PPP6R3: variants seen among roughly 807,000 people sequenced by gnomAD.
PPP6R3 encodes the protein serine/threonine-protein phosphatase 6 regulatory subunit 3.
PPP6R3 carries 38 observed loss-of-function variants against 110.7 expected under a neutral mutation model. That is an observed-to-expected ratio of 0.34 (90% CI 0.26 to 0.45). The LOEUF (loss-of-function observed/expected upper bound fraction) is 0.45, where lower values mean the gene tolerates loss of function less well. Among genes scored for constraint, PPP6R3 ranks in the 20% least tolerant of loss-of-function variants. PPP6R3 has a pLI of 1.00. For missense variants in PPP6R3, 870 were observed against 1,062.4 expected (o/e 0.82, Z 2.52); for synonymous variants, 369 against 373.5 (o/e 0.99, Z 0.14).
At chr11:68,566,956 T>C (rs1388293773) in intron 9 of PPP6R3, 58 bp from the exon 10 acceptor site, 5 of 1,461,212 alleles carry the variant, frequency 3.4e-6, no homozygotes, top group East Asian at 2.5e-5. Context: ...TCTTAGCAAA[T>C]ACACCATTTG....
At chr11:68,570,033 G>A (rs1593310535) in intron 11 of PPP6R3, 136 bp downstream of exon 11, 2 of 772,204 alleles carry the variant, frequency 2.6e-6, no homozygotes, top group East Asian at 5.5e-5. Context: ...TCATGTGTTC[G>A]TTTCACTTTT....
intron 1 of PPP6R3, among the ~76,000 whole-genome samples, chr11:68,477,810 AC>A (rs2098846626): frequency 7.0e-6 from 1 of 143,320 alleles, no homozygotes; most frequent in South Asian, 2.2e-4. Context: ...GACATAACCA[AC>A]CCCATGGTAA....
At chr11:68,584,940 G>T (rs956161338) in intron 15 of PPP6R3, among the ~76,000 whole-genome samples, 2 of 152,134 alleles carry the variant, frequency 1.3e-5, no homozygotes, top group Admixed American at 1.3e-4. Flanking sequence ...TGCAAAAAAG[G>T]TCTTGGTTAA....
chr11:68,609,433 A>G (rs1264195902), intron 22 of PPP6R3: 3 of 785,858 alleles, frequency 3.8e-6, no homozygotes, highest in Non-Finnish European at 6.6e-6. Flanking sequence ...TTGGCCCCAA[A>G]AGCAAAGTGC....
Position 68,574,232 on chromosome 11 carries a change from A to C in PPP6R3, c.1459+8A>C. The C allele has an allele frequency of 6.2e-7, 1 of 1,602,844 alleles. No homozygotes were observed. Among genetic ancestry groups the C allele is most frequent in the Non-Finnish European group, 8.5e-7 (1 of 1,170,084 alleles). Reference sequence around the variant, plus strand: ...TGCAGCAGCTTATCAAAGGTAAGTTATTTGTGAAATTTGAATTACATTTTT... The same window carrying C: ...TGCAGCAGCTTATCAAAGGTAAGTTCTTTGTGAAATTTGAATTACATTTTT... On this transcript the variant is annotated splice_region_variant and intron_variant, in intron 13 of 23. Coordinates refer to ENST00000393800, the MANE Select transcript of PPP6R3 (RefSeq NM_001164161.2).
Position 68,600,377 on chromosome 11 carries a change from AAAC to A in PPP6R3, c.2079_2081del (p.Thr694del). 1 of 1,614,124 alleles carries A rather than the reference AAAC, an allele frequency of 6.2e-7. No individual in the cohort carries two copies. Among genetic ancestry groups the A allele is most frequent in the Non-Finnish European group, 8.5e-7 (1 of 1,180,000 alleles). ...TCAGCTAACTTTGATGTCCCAATGG[AAAC>A]AACCCACGGTGCTCCATTGGATTCT... On this transcript the variant is annotated inframe_deletion, in exon 20 of 24. Coordinates refer to ENST00000393800, the MANE Select transcript of PPP6R3 (RefSeq NM_001164161.2).
chr11:68,614,196 T>G lies in PPP6R3; in HGVS notation c.*1079T>G. On this transcript the variant is annotated 3_prime_UTR_variant, in exon 24 of 24. Transcript: ENST00000393800. ...AATTGTTTACTGTACCTTGTGAGGT[T>G]TTCACTCATAAATTTAAACCAGTGT... is the stretch of plus-strand genomic sequence containing the variant. 1 of 989,004 alleles carries G rather than the reference T, an allele frequency of 1.0e-6. No individual in the cohort carries two copies. The highest frequency in any genetic ancestry group is 1.2e-6 in the Non-Finnish European group (1 of 832,246). 61.3% of individuals were successfully genotyped at this position (989,004 alleles called of 1,614,324 possible).
chr11:68,611,046 CAAATTAAGAACT>C (rs1943157829), intron 23 of PPP6R3, among the ~76,000 whole-genome samples: 1 of 152,098 alleles, frequency 6.6e-6, no homozygotes, highest in East Asian at 1.9e-4. Context: ...ATAAAACAAA[CAAATTAAGAACT>C]ATTTGAGCAT....
At chr11:68,554,498 T>G (rs1007584997) in intron 7 of PPP6R3, among the ~76,000 whole-genome samples, 2 of 152,248 alleles carry the variant, frequency 1.3e-5, no homozygotes, top group African/African-American at 4.8e-5. Flanking sequence ...AATGGAATTC[T>G]GTAGAGCCAT....
rs574442031 is a variant in PPP6R3 at position 68,513,924 on chromosome 11, G to C, written c.-157-5577G>C. On this transcript the variant is annotated intron_variant, in intron 1 of 23. Transcript: ENST00000393800. The stretch of plus-strand genomic sequence containing the variant: ...GTGAAAGATAAAATTAAAGATCTTA[G>C]CTCTCTGAGCAACTGCATATGTGAT... Among the ~76,000 whole-genome samples, 7 of 152,314 alleles carry C rather than the reference G, an allele frequency of 4.6e-5. No homozygotes were observed. The East Asian group carries it at 1.3e-3, about 29-fold the overall frequency.
chr11:68,559,184 C>G (rs961059841), intron 8 of PPP6R3, among the ~76,000 whole-genome samples: 4 of 152,242 alleles, frequency 2.6e-5, no homozygotes, highest in Non-Finnish European at 5.9e-5. Context: ...TCTTAAAATG[C>G]ATGGGCAGGT....
intron 14 of PPP6R3, among the ~76,000 whole-genome samples, chr11:68,581,281 G>A (rs1414159080): frequency 1.3e-5 from 2 of 152,208 alleles, no homozygotes; most frequent in African/African-American, 4.8e-5. Flanking sequence ...TAGAACATGC[G>A]AAGGGGAGGT....
intron 22 of PPP6R3, among the ~76,000 whole-genome samples, chr11:68,608,787 A>G (rs547086716): frequency 6.6e-6 from 1 of 152,310 alleles, no homozygotes; most frequent in African/African-American, 2.4e-5. Flanking sequence ...CCAGTTAGCG[A>G]CTCAGAATAC....
intron 1 of PPP6R3, among the ~76,000 whole-genome samples, chr11:68,510,310 A>C (rs995738993): frequency 6.6e-6 from 1 of 152,028 alleles, no homozygotes. Context: ...TGGTCTCTCA[A>C]CATTTAATAC....
Position 68,575,965 on chromosome 11 carries a change from C to T in PPP6R3, c.1467C>T (p.Pro489=), listed in dbSNP as rs747727465. The part of the protein sequence containing the change: ...ALVQQLIKDL[P]DEVRERWETF... ...GCTTTTCTCACTCTGAAGATCTTCC[C>T]GACGAAGTCAGGGAACGATGGGAGA... The change falls in exon 14 of 24, where the codon CCC becomes CCT. Residue 489 remains proline (P), a synonymous_variant. Transcript: ENST00000393800. The T allele has an allele frequency of 1.5e-5, 24 of 1,609,222 alleles. No homozygotes were observed. The highest frequency in any genetic ancestry group is 3.4e-5 in the Admixed American group (2 of 59,586).
intron 1 of PPP6R3, among the ~76,000 whole-genome samples, chr11:68,498,148 AT>A (rs2099028925): frequency 6.6e-6 from 1 of 152,204 alleles, no homozygotes; most frequent in Non-Finnish European, 1.5e-5. Context: ...GGGTATATAG[AT>A]TTTAACACCT....
intron 1 of PPP6R3, among the ~76,000 whole-genome samples, chr11:68,477,755 T>A (rs1400199081): frequency 6.5e-5 from 9 of 138,262 alleles, no homozygotes; most frequent in African/African-American, 1.9e-4. Context: ...TATATATATA[T>A]ATATATATAT....
rs975800374 is a variant in PPP6R3, at chr11:68,511,991, T to C, written c.-157-7510T>C. On this transcript the variant is annotated intron_variant, in intron 1 of 23. Transcript: ENST00000393800. ...TTGGATCTCCTATTCCTGTGTTCTG[T>C]GTTACCTTGTTGCTCTCCTTAGTTT... Among the ~76,000 whole-genome samples, 4 of 152,302 alleles carry C rather than the reference T, an allele frequency of 2.6e-5. 1 individual carries two copies. Among genetic ancestry groups the C allele is most frequent in the South Asian group, 4.1e-4 (2 of 4,824 alleles).
At chr11:68,528,953 T>C (rs1020027582) in intron 2 of PPP6R3, among the ~76,000 whole-genome samples, 23 of 152,176 alleles carry the variant, frequency 1.5e-4, no homozygotes, top group Non-Finnish European at 3.1e-4. Context: ...GGTGGTTGAG[T>C]ACATCCTGTT....
Sources: gnomAD v4.1 joint callset for allele counts (sites outside exome capture counted in the v4.1 genomes callset) on GRCh38, gnomAD v4.1.1 for gene constraint, MANE v1.5 for transcripts, NCBI Gene and HGNC (gene_info 2026-07-23, HGNC 2026-07-21) for gene names.